Variants in MAP3K1 observed in about 807,000 individuals in gnomAD.
MAP3K1 encodes the protein mitogen-activated protein kinase kinase kinase 1, also known as MAP/ERK kinase kinase 1.
A neutral mutation model predicts 144.2 loss-of-function variants in MAP3K1; 36 were observed. That is an observed-to-expected ratio of 0.25 (90% CI 0.19 to 0.33). MAP3K1 has a LOEUF of 0.33. Ranked by LOEUF, MAP3K1 falls within the 10% of genes least tolerant of loss-of-function variation. MAP3K1 has a pLI of 1.00. For synonymous variants in MAP3K1, 718 were observed against 688.7 expected (o/e 1.04, Z -0.67); for missense variants, 1,650 against 1,881.9 (o/e 0.88, Z 2.28).
Position 56,815,734 on chromosome 5 carries a change from G to C in MAP3K1, c.161G>C (p.Arg54Pro), listed in dbSNP as rs1050828981. 19 of 1,347,890 alleles carry C rather than the reference G, an allele frequency of 1.4e-5. No individual in the cohort carries two copies. Among genetic ancestry groups the C allele is most frequent in the Admixed American group, 2.9e-5 (1 of 34,910 alleles). The allele number at this position is 1,347,890 out of a possible 1,614,324, so 83.5% of individuals were successfully genotyped here. The stretch of plus-strand genomic sequence containing the variant: ...GAGGCGGGCAGCGGGGGCCGCGAGC[G>C]GGCGGACTGGCGGCGGCGGCAGCTG... ...LREAGSGGRE[R>P]ADWRRRQLRK... The change falls in exon 1 of 20, where the codon CGG becomes CCG. Residue 54 changes from arginine (R) to proline (P), a missense_variant. This residue lies in a region of MAP3K1 where 360 missense variants were observed against 274.7 expected (regional missense o/e 1.31). Transcript: ENST00000399503.
intron 9 of MAP3K1, 53 bp from the exon 10 acceptor site, chr5:56,874,979 C>T (rs1561194907): frequency 6.3e-7 from 1 of 1,584,646 alleles, no homozygotes; most frequent in African/African-American, 1.3e-5. Context: ...TCAAAATGCT[C>T]TGGGTCCATA....
intron 1 of MAP3K1, among the ~76,000 whole-genome samples, chr5:56,837,955 T>C (rs1226592493): frequency 6.6e-6 from 1 of 152,178 alleles, no homozygotes; most frequent in East Asian, 1.9e-4. Context: ...CTTCAGTTAA[T>C]GAGGTGAACC....
chr5:56,815,941 A>G lies in MAP3K1; in HGVS notation c.368A>G (p.His123Arg). ...PHGAASRGGAHLTESVAAPDS... is the reference protein window; with the variant it reads ...PHGAASRGGARLTESVAAPDS... ...GGAGCCGCGAGCCGCGGCGGCGCCC[A>G]CCTTACCGAGTCGGTGGCGGCGCCG... Residue 123 changes from histidine (H) to arginine (R), a missense_variant, in exon 1 of 20, where the codon CAC (histidine) becomes CGC (arginine). Physicochemically the swap from His to Arg is conservative, Grantham distance 29 (BLOSUM62 0). Coordinates refer to ENST00000399503, the MANE Select transcript of MAP3K1 (RefSeq NM_005921.2). 1 of 1,259,944 alleles carries G rather than the reference A, an allele frequency of 7.9e-7. No homozygotes were observed. The highest frequency in any genetic ancestry group is 1.0e-6 in the Non-Finnish European group (1 of 1,004,456). 78.0% of individuals were successfully genotyped at this position (1,259,944 alleles called of 1,614,324 possible). A position where few individuals can be genotyped will look rare whatever the true frequency, so the allele number is the denominator to read the frequency against.
intron 1 of MAP3K1, among the ~76,000 whole-genome samples, chr5:56,817,581 G>C (rs894182211): frequency 1.3e-5 from 2 of 152,186 alleles, no homozygotes; most frequent in South Asian, 4.1e-4. Flanking sequence ...GTGTGCACTT[G>C]TACATGTAAT....
chr5:56,880,749 T>A lies in MAP3K1; in HGVS notation c.2126T>A (p.Leu709Gln). 6.2e-7 allele frequency: 1 copy of A among 1,613,812 alleles called. No homozygotes were observed. The highest frequency in any genetic ancestry group is 8.5e-7 in the Non-Finnish European group (1 of 1,179,792). ...CTGTCCATATCAACACTGTTGGAAC[T>A]GTGCAAAGGCCAAGCAGGAGAGTTG... ...SQLSISTLLE[L>Q]CKGQAGELAV... is the part of the protein sequence containing the mutation. Residue 709 changes from leucine to glutamine, a missense_variant, in exon 12 of 20, where the codon CTG (leucine) becomes CAG (glutamine). Physicochemically the swap from Leu to Gln is moderately radical, Grantham distance 113. Transcript: ENST00000399503.
At chr5:56,858,861 C>A (rs1438658182) in intron 2 of MAP3K1, among the ~76,000 whole-genome samples, 1 of 151,978 alleles carries the variant, frequency 6.6e-6, no homozygotes, top group Non-Finnish European at 1.5e-5. Context: ...TGGGGTGCTG[C>A]AGGCTGGAGA....
At chr5:56,851,415 A>T (rs1030435408) in intron 1 of MAP3K1, among the ~76,000 whole-genome samples, 15 of 152,112 alleles carry the variant, frequency 9.9e-5, no homozygotes, top group African/African-American at 3.6e-4. Flanking sequence ...CAGCATGTAC[A>T]CTTGGCCCGT....
intron 1 of MAP3K1, chr5:56,820,672 C>T (rs1746128192): frequency 3.0e-6 from 3 of 985,184 alleles, no homozygotes; most frequent in African/African-American, 1.7e-5. Flanking sequence ...GGTAATCACA[C>T]AGGAAGAGAA....
In MAP3K1 at chr5:56,841,102, C is replaced by G. The variant is rs868444301; in HGVS notation, c.483-15498C>G. Among the ~76,000 whole-genome samples the G allele has an allele frequency of 2.0e-5, 3 of 151,928 alleles. No individual in the cohort carries two copies. The South Asian group carries it at 6.2e-4, about 32-fold the overall frequency. On this transcript the variant is annotated intron_variant, in intron 1 of 19. Coordinates refer to ENST00000399503, the MANE Select transcript of MAP3K1 (RefSeq NM_005921.2). The stretch of plus-strand genomic sequence containing the variant: ...CATATTGGCTGGGCAAGGTGTTTCA[C>G]ACCTGTAATCCCAGCCCTTTGGGAG...
intron 1 of MAP3K1, among the ~76,000 whole-genome samples, chr5:56,848,909 T>G (rs1183198181): frequency 2.0e-5 from 3 of 152,240 alleles, no homozygotes; most frequent in Admixed American, 2.0e-4. Flanking sequence ...ACTTAACTGT[T>G]GATGTGGTTA....
chr5:56,856,798 A>C, intron 2 of MAP3K1, 48 bp downstream of exon 2: 1 of 1,595,076 alleles, frequency 6.3e-7, no homozygotes, highest in Non-Finnish European at 8.6e-7. Context: ...CATAGGAGGA[A>C]ATGGAAAAGT....
At chr5:56,831,458 C>T (rs971342506) in intron 1 of MAP3K1, among the ~76,000 whole-genome samples, 29 of 152,194 alleles carry the variant, frequency 1.9e-4, no homozygotes, top group Admixed American at 1.3e-4. Context: ...AAACCTAGCC[C>T]TAATTTTTTT....
At chr5:56,866,041 T>C in intron 6 of MAP3K1, 64 bp downstream of exon 6, 5 of 1,237,422 alleles carry the variant, frequency 4.0e-6, no homozygotes, top group Non-Finnish European at 4.8e-6. Context: ...GGGGTAATTT[T>C]TTATATCTAC....
intron 4 of MAP3K1, 46 bp downstream of exon 4, chr5:56,864,980 T>A (rs917325229): frequency 1.3e-6 from 2 of 1,526,808 alleles, no homozygotes; most frequent in African/African-American, 2.7e-5. Context: ...TAGTATATGG[T>A]ACTACCTCAA....
rs1263165118 is a variant in MAP3K1, at chr5:56,815,793, C to T, written c.220C>T (p.Pro74Ser). The change falls in exon 1 of 20, where the codon CCT becomes TCT. Residue 74 changes from proline to serine, a missense_variant. By Grantham distance (74) the Pro-to-Ser change is moderately conservative (BLOSUM62 -1). Transcript: ENST00000399503. ...KVRSVELDQL[P>S]EQPLFLAASP... ...GCGGAGTGTGGAGCTGGACCAGCTG[C>T]CTGAGCAGCCGCTCTTCCTTGCCGC... The T allele has an allele frequency of 1.4e-6, 2 of 1,422,672 alleles. No individual in the cohort carries two copies. Among genetic ancestry groups the T allele is most frequent in the Admixed American group, 2.5e-5 (1 of 40,466 alleles). 88.1% of individuals were successfully genotyped at this position (1,422,672 alleles called of 1,614,324 possible). A position where few individuals can be genotyped will look rare whatever the true frequency, so the allele number is the denominator to read the frequency against.
intron 1 of MAP3K1, among the ~76,000 whole-genome samples, chr5:56,842,999 C>T (rs1746863115): frequency 6.6e-6 from 1 of 152,130 alleles, no homozygotes; most frequent in South Asian, 2.1e-4. Flanking sequence ...CTATCCAGTC[C>T]TAGGAACATA....
intron 10 of MAP3K1, among the ~76,000 whole-genome samples, chr5:56,877,067 C>A (rs1483186975): frequency 6.6e-6 from 1 of 152,086 alleles, no homozygotes; most frequent in East Asian, 1.9e-4. Context: ...ACATTGTGAA[C>A]CTAAAGGATC....
chr5:56,839,800 G>A (rs1746757873), intron 1 of MAP3K1, among the ~76,000 whole-genome samples: 1 of 152,210 alleles, frequency 6.6e-6, no homozygotes, highest in Non-Finnish European at 1.5e-5. Context: ...CCTGCAACGG[G>A]ATGACATCCT....
intron 1 of MAP3K1, among the ~76,000 whole-genome samples, chr5:56,829,251 G>T (rs1746413851): frequency 6.6e-6 from 1 of 150,394 alleles, no homozygotes; most frequent in Non-Finnish European, 1.5e-5. Flanking sequence ...ACATGATCAT[G>T]ACTCACTGCA....
Sources: allele counts gnomAD v4.1 joint callset (sites outside exome capture counted in the v4.1 genomes callset), GRCh38; gene constraint gnomAD v4.1.1; regional missense constraint gnomAD v4.1.1; transcripts MANE v1.5; gene names NCBI Gene and HGNC (gene_info 2026-07-23, HGNC 2026-07-21).